Variants in PCDH9 observed in about 807,000 individuals in gnomAD.
PCDH9 encodes protocadherin 9, also known as protocadherin-9.
A neutral mutation model predicts 70.6 loss-of-function variants in PCDH9; 24 were observed. The observed-to-expected ratio is 0.34, with a 90% CI of 0.25 to 0.48. The LOEUF (loss-of-function observed/expected upper bound fraction) is 0.48, where lower values mean the gene tolerates loss of function less well. PCDH9 is among the 20% of genes least tolerant of loss of function. The pLI is 0.99. For synonymous variants in PCDH9, 562 were observed against 558.5 expected, an observed-to-expected ratio of 1.01 and a Z score of -0.09; for missense variants, 1,281 against 1,503.6, an observed-to-expected ratio of 0.85 and a Z score of 2.45.
intron 2 of PCDH9, among the ~76,000 whole-genome samples, chr13:67,122,517 G>A (rs2086896141): frequency 6.6e-6 from 1 of 151,876 alleles, no homozygotes; most frequent in African/African-American, 2.4e-5. Context: ...GCTCACACCT[G>A]CAATCCCAGC....
intron 4 of PCDH9, among the ~76,000 whole-genome samples, chr13:66,342,656 T>TGA (rs1956148757): frequency 2.0e-5 from 3 of 152,252 alleles, no homozygotes; most frequent in South Asian, 4.2e-4. Context: ...GGAGTCTCTC[T>TGA]CTGTCACCCA....
intron 4 of PCDH9, among the ~76,000 whole-genome samples, chr13:66,484,651 G>C (rs1958908419): frequency 1.3e-5 from 2 of 152,178 alleles, no homozygotes; most frequent in South Asian, 4.1e-4. Context: ...TGGTTATTCA[G>C]TGCCAGGTGC....
chr13:66,797,589 A>G (rs1162498427), intron 3 of PCDH9, among the ~76,000 whole-genome samples: 2 of 152,186 alleles, frequency 1.3e-5, no homozygotes, highest in African/African-American at 4.8e-5. Flanking sequence ...TGCAATCTCT[A>G]TGTATGCTAT....
At chr13:66,341,184 C>G (rs1191913004) in intron 4 of PCDH9, among the ~76,000 whole-genome samples, 2 of 151,958 alleles carry the variant, frequency 1.3e-5, no homozygotes, top group Non-Finnish European at 2.9e-5. Context: ...CTGAACTCTC[C>G]TGGGCTCAAG....
chr13:66,306,298 C>A (rs1053567748), intron 4 of PCDH9: 7 of 151,132 alleles, frequency 4.6e-5, no homozygotes, highest in African/African-American at 1.7e-4. Flanking sequence ...TTCTATTTGC[C>A]TTTATAATAT....
At chr13:66,592,079 A>G (rs2077045546) in intron 4 of PCDH9, among the ~76,000 whole-genome samples, 1 of 151,698 alleles carries the variant, frequency 6.6e-6, no homozygotes, top group Non-Finnish European at 1.5e-5. Flanking sequence ...TCTCTGTAGT[A>G]GTACTTATCA....
At chr13:66,949,018 A>C (rs1046441632) in intron 2 of PCDH9, among the ~76,000 whole-genome samples, 2 of 152,044 alleles carry the variant, frequency 1.3e-5, no homozygotes, top group Non-Finnish European at 2.9e-5. Context: ...GAAAAAAAAA[A>C]CTTCTCTTAA....
chr13:66,891,006 T>C (rs2082087071), intron 3 of PCDH9, among the ~76,000 whole-genome samples: 1 of 152,142 alleles, frequency 6.6e-6, no homozygotes, highest in African/African-American at 2.4e-5. Context: ...TTTCTGTCCC[T>C]ATCACTTTGC....
At chr13:66,391,302 C>A (rs1307540214) in intron 4 of PCDH9, among the ~76,000 whole-genome samples, 1 of 152,176 alleles carries the variant, frequency 6.6e-6, no homozygotes, top group East Asian at 1.9e-4. Flanking sequence ...ACAAGCTATG[C>A]AATTACAAAT....
chr13:67,228,265 C>CTTG lies in PCDH9; in HGVS notation c.175_176insCAA (p.Thr58dup). The CTTG allele has an allele frequency of 6.2e-7, 1 of 1,613,802 alleles. No homozygotes were observed. Among genetic ancestry groups the CTTG allele is most frequent in the Non-Finnish European group, 8.5e-7 (1 of 1,179,880 alleles). ...AACCAGTCTGTAGACAAGGCTGGCG[C>CTTG]TGGTCCCTGTGGCAGCATTGATGTG... is the stretch of plus-strand genomic sequence containing the variant. On this transcript the variant is annotated inframe_insertion, in exon 2 of 5. Transcript: ENST00000377865.
chr13:66,404,073 T>A (rs1957236057), intron 4 of PCDH9, among the ~76,000 whole-genome samples: 1 of 152,196 alleles, frequency 6.6e-6, no homozygotes, highest in South Asian at 2.1e-4. Context: ...ATGGGTACGT[T>A]AACTATCAGG....
chr13:66,503,906 C>T (rs12875111), intron 4 of PCDH9, among the ~76,000 whole-genome samples: 33,207 of 152,100 alleles, frequency 0.22, 4,017 homozygotes, highest in South Asian at 0.34. Flanking sequence ...ACTATTAAGT[C>T]AACAGAAGAG....
chr13:67,156,236 C>CTG (rs2087809111), intron 2 of PCDH9, among the ~76,000 whole-genome samples: 1 of 152,098 alleles, frequency 6.6e-6, no homozygotes, highest in Non-Finnish European at 1.5e-5. Context: ...AAACCTGAGA[C>CTG]TCTAGCAAGG....
At chr13:66,805,527 A>T (rs1301278245) in intron 3 of PCDH9, among the ~76,000 whole-genome samples, 1 of 152,152 alleles carries the variant, frequency 6.6e-6, no homozygotes, top group Non-Finnish European at 1.5e-5. Flanking sequence ...GTGAGTGGTG[A>T]TATACTTTAA....
At position 67,085,282 on chromosome 13, in the gene PCDH9, T is replaced by C. The variant is rs1219225135; in HGVS notation, c.3036+140123A>G. Among the ~76,000 whole-genome samples, 12 of 151,916 alleles carry C rather than the reference T, an allele frequency of 7.9e-5. 1 individual carries two copies. In the East Asian group the frequency reaches 2.3e-3, roughly 29 times the overall value. ...AGCCCTGGGGAATCCTAAGGATTTT[T>C]ATAATCTCTACAGGAAGCAATATTA... is the stretch of plus-strand genomic sequence containing the variant. On this transcript the variant is annotated intron_variant, in intron 2 of 4. Transcript: ENST00000377865.
At chr13:66,653,973 T>TAAAAAAAAA (rs59143528) in intron 3 of PCDH9, among the ~76,000 whole-genome samples, 17 of 128,426 alleles carry the variant, frequency 1.3e-4, no homozygotes, top group South Asian at 5.0e-4. Flanking sequence ...GTCTCAAAAT[T>TAAAAAAAAA]AAAAAAAAAA....
chr13:66,781,156 C>T (rs1388107291), intron 3 of PCDH9, among the ~76,000 whole-genome samples: 1 of 152,024 alleles, frequency 6.6e-6, no homozygotes, highest in Non-Finnish European at 1.5e-5. Context: ...TCTAATTGGG[C>T]CAACTTCTAC....
intron 3 of PCDH9, among the ~76,000 whole-genome samples, chr13:66,641,057 TAGA>T: frequency 6.6e-6 from 1 of 152,060 alleles, no homozygotes; most frequent in Non-Finnish European, 1.5e-5. Context: ...GTATTTTTAG[TAGA>T]GATGGAGTTT....
chr13:66,667,194 G>A (rs1476019183), intron 3 of PCDH9, among the ~76,000 whole-genome samples: 1 of 152,064 alleles, frequency 6.6e-6, no homozygotes, highest in Non-Finnish European at 1.5e-5. Flanking sequence ...CCTGGTTTGA[G>A]GATTGTGGAA....
Sources: gnomAD v4.1 joint callset for allele counts (sites outside exome capture counted in the v4.1 genomes callset) on GRCh38, gnomAD v4.1.1 for gene constraint, MANE v1.5 for transcripts, NCBI Gene and HGNC (gene_info 2026-07-23, HGNC 2026-07-21) for gene names.